XPO7: variants seen among roughly 807,000 people sequenced by gnomAD.
XPO7 encodes the protein exportin 7, also known as exportin-7.
Under a neutral mutation model 144.3 loss-of-function variants are expected in XPO7, and 21 were observed. The ratio of observed to expected loss-of-function variants is 0.15; its 90% CI spans 0.10 to 0.21. The LOEUF (loss-of-function observed/expected upper bound fraction) is 0.21. Among genes scored for constraint, XPO7 ranks in the 10% least tolerant of loss-of-function variants. XPO7 has a pLI of 1.00. For synonymous variants in XPO7, 580 were observed against 499.6 expected, an observed-to-expected ratio of 1.16 and a Z score of -2.15; for missense variants, 808 against 1,325.8, an observed-to-expected ratio of 0.61 and a Z score of 6.06.
chr8:22,005,873 G>A lies in XPO7; in HGVS notation c.*785G>A, dbSNP rs1310587053. 1 of 152,150 alleles carries A rather than the reference G, an allele frequency of 6.6e-6. No homozygotes were observed. Among genetic ancestry groups the A allele is most frequent in the Non-Finnish European group, 1.5e-5 (1 of 68,072 alleles). The allele number at this position is 152,150 out of a possible 1,614,324, so 9.4% of individuals were successfully genotyped here. A position where few individuals can be genotyped will look rare whatever the true frequency, so the allele number is the denominator to read the frequency against. On this transcript the variant is annotated 3_prime_UTR_variant, in exon 28 of 28. Transcript: ENST00000252512. ...TTATCTCCACCCTCTTTCCTACTTT[G>A]CTTACCCTCATCCTCAGACAGATGC...
intron 11 of XPO7, among the ~76,000 whole-genome samples, chr8:21,984,019 T>C (rs948496376): frequency 4.6e-5 from 7 of 152,176 alleles, no homozygotes; most frequent in African/African-American, 1.7e-4. Context: ...ACAAAAGAAA[T>C]TTCCTCATCA....
intron 1 of XPO7, among the ~76,000 whole-genome samples, chr8:21,949,020 A>G (rs1240810370): frequency 6.6e-6 from 1 of 152,196 alleles, no homozygotes; most frequent in Non-Finnish European, 1.5e-5. Context: ...ATCGCAAGTT[A>G]CGGGCCCTAA....
At chr8:21,954,599 A>T (rs956307287) in intron 1 of XPO7, among the ~76,000 whole-genome samples, 20 of 152,112 alleles carry the variant, frequency 1.3e-4, no homozygotes, top group Non-Finnish European at 2.6e-4. Flanking sequence ...TTGCCACTGC[A>T]CTCCAGCCTG....
intron 1 of XPO7, 136 bp from the exon 2 acceptor site, chr8:21,966,721 T>C (rs1811897060): frequency 8.0e-7 from 1 of 1,246,938 alleles, no homozygotes; most frequent in African/African-American, 1.5e-5. Flanking sequence ...TAGGTGAATG[T>C]TACCCAGGTT....
chr8:21,965,119 C>G (rs6983506), intron 1 of XPO7, among the ~76,000 whole-genome samples: 2,473 of 151,628 alleles, frequency 0.016, 73 homozygotes, highest in African/African-American at 0.057. Flanking sequence ...TTCTTGTTAC[C>G]TATTTTCCTA....
chr8:21,980,130 T>C lies in XPO7; in HGVS notation c.884T>C (p.Phe295Ser). The stretch of plus-strand genomic sequence containing the variant: ...ATCGCTTCAGTCAGAAGATCCCTGT[T>C]TAACAATGCAGAGAGGGCCAAGTTT... ...VQIASVRRSL[F>S]NNAERAKFLS... The change falls in exon 9 of 28, where the codon TTT becomes TCT. Residue 295 changes from phenylalanine (F) to serine (S), a missense_variant. By Grantham distance (155) the Phe-to-Ser change is radical (BLOSUM62 -2). Transcript: ENST00000252512. The C allele has an allele frequency of 6.2e-7, 1 of 1,605,732 alleles. No homozygotes were observed. The highest frequency in any genetic ancestry group is 8.5e-7 in the Non-Finnish European group (1 of 1,175,664).
At chr8:21,970,102 C>G (rs1206463867) in intron 3 of XPO7, 42 bp from the exon 4 acceptor site, 20 of 1,588,134 alleles carry the variant, frequency 1.3e-5, no homozygotes, top group Non-Finnish European at 1.7e-5. Flanking sequence ...GCAGAGCTTT[C>G]TATTATGTGG....
intron 1 of XPO7, among the ~76,000 whole-genome samples, chr8:21,955,724 CTTTTTTTT>C (rs71544845): frequency 6.8e-5 from 7 of 102,772 alleles, no homozygotes; most frequent in African/African-American, 4.4e-5. Context: ...CTGTGCTTAC[CTTTTTTTT>C]TTTTTTTTTT....
At chr8:21,982,205 A>G (rs550657461) in intron 10 of XPO7, among the ~76,000 whole-genome samples, 1 of 152,354 alleles carries the variant, frequency 6.6e-6, no homozygotes, top group South Asian at 2.1e-4. Context: ...TTTCTTAGTC[A>G]TGTAATATAG....
At chr8:21,974,542 A>T (rs766707008) in intron 5 of XPO7, 128 bp from the exon 6 acceptor site, 1 of 635,758 alleles carries the variant, frequency 1.6e-6, no homozygotes, top group East Asian at 2.9e-5. Context: ...CAATAATTTA[A>T]ATGTTAAAAA....
In XPO7 at chr8:21,991,004, G is replaced by A; in HGVS notation, c.2041+85G>A. On this transcript the variant is annotated intron_variant, in intron 18 of 27. Transcript: ENST00000252512. ...TGAGGACTGAAAACTAGATGTTGGGGAGGCCTTTTCTGTTTTTTCAACAGT... is the reference window on the plus strand; with the variant it reads ...TGAGGACTGAAAACTAGATGTTGGGAAGGCCTTTTCTGTTTTTTCAACAGT... The A allele has an allele frequency of 3.1e-6, 4 of 1,274,702 alleles. No individual in the cohort carries two copies. In the East Asian group the frequency reaches 7.0e-5, roughly 22 times the overall value. The allele number at this position is 1,274,702 out of a possible 1,614,324, so 79.0% of individuals were successfully genotyped here.
At chr8:21,959,673 A>G (rs909189369) in intron 1 of XPO7, among the ~76,000 whole-genome samples, 5 of 152,202 alleles carry the variant, frequency 3.3e-5, no homozygotes, top group African/African-American at 7.2e-5. Flanking sequence ...CATCGTTTTC[A>G]TGATCATTTT....
intron 8 of XPO7, 87 bp downstream of exon 8, chr8:21,977,930 A>C: frequency 8.4e-7 from 1 of 1,191,526 alleles, no homozygotes; most frequent in Non-Finnish European, 1.2e-6. Flanking sequence ...TTGTTTTATA[A>C]AATTATACAA....
Position 21,999,595 on chromosome 8 carries a change from T to C in XPO7, c.2703T>C (p.His901=), listed in dbSNP as rs1457724331. The change falls in exon 24 of 28, where the codon CAT becomes CAC. Residue 901 remains histidine, a synonymous_variant. Coordinates refer to ENST00000252512, the MANE Select transcript of XPO7 (RefSeq NM_015024.5). ...YSLLEVLTQD[H]MNFIASLEPH... ...TACTGGAAGTCCTGACCCAGGACCA[T>C]ATGAACTTTATTGCAAGCCTGGAAC... 6 of 1,614,014 alleles carry C rather than the reference T, an allele frequency of 3.7e-6. No individual in the cohort carries two copies. The highest frequency in any genetic ancestry group is 2.2e-5 in the East Asian group (1 of 44,886).
At chr8:21,985,201 T>A (rs1321768215) in intron 12 of XPO7, among the ~76,000 whole-genome samples, 1 of 152,176 alleles carries the variant, frequency 6.6e-6, no homozygotes, top group Non-Finnish European at 1.5e-5. Context: ...ACAGCACAGC[T>A]GGGACCAGGC....
chr8:22,003,122 C>A (rs1439952034), intron 25 of XPO7, 97 bp from the exon 26 acceptor site: 35 of 801,388 alleles, frequency 4.4e-5, no homozygotes, highest in Non-Finnish European at 5.8e-6. Context: ...ACAGAAAAGG[C>A]CTTCAGCCTA....
intron 1 of XPO7, among the ~76,000 whole-genome samples, chr8:21,922,552 GT>G (rs930662984): frequency 8.6e-5 from 13 of 151,802 alleles, no homozygotes; most frequent in African/African-American, 2.4e-4. Flanking sequence ...TTCCTTTCAT[GT>G]TTTTTTTAAC....
intron 4 of XPO7, among the ~76,000 whole-genome samples, chr8:21,971,551 A>T (rs1812064065): frequency 6.6e-6 from 1 of 152,162 alleles, no homozygotes; most frequent in Non-Finnish European, 1.5e-5. Context: ...TCTTTATAAA[A>T]TGTGTTGTTT....
intron 1 of XPO7, among the ~76,000 whole-genome samples, chr8:21,948,759 A>G (rs1322099586): frequency 6.6e-6 from 1 of 152,210 alleles, no homozygotes; most frequent in Non-Finnish European, 1.5e-5. Flanking sequence ...CATCCTATCA[A>G]AAGCATCTAT....
Sources: allele counts gnomAD v4.1 joint callset (sites outside exome capture counted in the v4.1 genomes callset), GRCh38; gene constraint gnomAD v4.1.1; transcripts MANE v1.5; gene names NCBI Gene and HGNC (gene_info 2026-07-23, HGNC 2026-07-21).